PROK2: variants seen among roughly 807,000 people sequenced by gnomAD.
PROK2 encodes prokineticin-2.
PROK2 carries 8 observed loss-of-function variants against 14.2 expected under a neutral mutation model. That is an observed-to-expected ratio of 0.56 (90% confidence interval 0.33 to 1.02). The LOEUF is 1.02. PROK2 is among the 50% of genes least tolerant of loss of function. The probability of loss-of-function intolerance (pLI) is 0.03; values close to 1 mark genes in which losing one functional copy is unlikely to be tolerated. For synonymous variants in PROK2, 59 were observed against 60.7 expected (o/e 0.97, Z 0.13); for missense variants, 154 against 160.4 (o/e 0.96, Z 0.22).
intron 1 of PROK2, 142 bp downstream of exon 1, chr3:71,784,815 C>T: frequency 1.6e-6 from 1 of 640,608 alleles, no homozygotes; most frequent in Non-Finnish European, 2.2e-6. Context: ...CCAAGTGCAC[C>T]AAGGGGCGAC....
At chr3:71,780,462 G>C (rs925301869) in intron 2 of PROK2, among the ~76,000 whole-genome samples, 5 of 152,210 alleles carry the variant, frequency 3.3e-5, no homozygotes, top group African/African-American at 1.2e-4. Context: ...AATTTGGTTT[G>C]CTCTGATAAC....
chr3:71,772,547 A>C lies in PROK2; in HGVS notation c.*177T>G. 1 of 636,688 alleles carries C rather than the reference A, an allele frequency of 1.6e-6. No homozygotes were observed. The highest frequency in any genetic ancestry group is 2.7e-6 in the Non-Finnish European group (1 of 364,110). 39.4% of individuals were successfully genotyped at this position (636,688 alleles called of 1,614,324 possible). A position where few individuals can be genotyped will look rare whatever the true frequency, so the allele number is the denominator to read the frequency against. On this transcript the variant is annotated 3_prime_UTR_variant, in exon 4 of 4. Transcript: ENST00000295619. ...CTTCATATTTCTATCCAAAAGTAAA[A>C]TTCTCTTTCGATAAAAAAAAAAAAA...
Position 71,776,363 on chromosome 3 carries a change from CATTTT to C in PROK2, c.223-1861_223-1857del, listed in dbSNP as rs1559625178. ...CTTTTCTTTTTTTCTTTTCGCTTTT[CATTTT>C]TTTTTTTTTTTTTTTTTTTTTTGAG... On this transcript the variant is annotated intron_variant, in intron 2 of 3. Coordinates refer to ENST00000295619, the MANE Select transcript of PROK2 (RefSeq NM_001126128.2). Among the ~76,000 whole-genome samples the C allele has an allele frequency of 1.5e-4, 14 of 92,068 alleles. No individual in the cohort carries two copies. The East Asian group carries it at 2.1e-3, about 14-fold the overall frequency. The allele number at this position is 92,068 out of a possible 152,430, so 60.4% of individuals were successfully genotyped here.
At chr3:71,784,550 T>C (rs931608517) in intron 1 of PROK2, among the ~76,000 whole-genome samples, 16 of 152,304 alleles carry the variant, frequency 1.1e-4, no homozygotes, top group African/African-American at 3.4e-4. Flanking sequence ...TCTTGGTCCT[T>C]TGCATTTCAG....
At position 71,772,535 on chromosome 3, in the gene PROK2, T is replaced by A. The variant is rs1408801087; in HGVS notation, c.*189A>T. On this transcript the variant is annotated 3_prime_UTR_variant, in exon 4 of 4. Coordinates refer to ENST00000295619, the MANE Select transcript of PROK2 (RefSeq NM_001126128.2). ...TAATGCCTTACACTTCATATTTCTA[T>A]CCAAAAGTAAAATTCTCTTTCGATA... The A allele has an allele frequency of 1.6e-6, 1 of 617,820 alleles. No homozygotes were observed. Among genetic ancestry groups the A allele is most frequent in the Non-Finnish European group, 2.8e-6 (1 of 351,760 alleles). The allele number at this position is 617,820 out of a possible 1,614,324, so 38.3% of individuals were successfully genotyped here. A position where few individuals can be genotyped will look rare whatever the true frequency, so the allele number is the denominator to read the frequency against.
At chr3:71,784,915 A>C in intron 1 of PROK2, 42 bp downstream of exon 1, 1 of 1,217,102 alleles carries the variant, frequency 8.2e-7, no homozygotes, top group East Asian at 3.2e-5. Context: ...GGCACATCCC[A>C]GGCGCGCATC....
intron 1 of PROK2, 88 bp downstream of exon 1, chr3:71,784,869 A>C: frequency 1.8e-6 from 2 of 1,116,346 alleles, no homozygotes; most frequent in South Asian, 9.2e-5. Context: ...CTTTGCCTCT[A>C]GCCTGCCCTT....
rs567689819 is a variant in PROK2, at chr3:71,781,660, T to G, written c.97-68A>C. Reference sequence around the variant, plus strand: ...AGACTCAGGCTAAGGAAACCTAAAATTAGCAGTGAAATGCCCTTTAAATAT... The same window carrying G: ...AGACTCAGGCTAAGGAAACCTAAAAGTAGCAGTGAAATGCCCTTTAAATAT... On this transcript the variant is annotated intron_variant, in intron 1 of 3. Transcript: ENST00000295619. The G allele has an allele frequency of 4.0e-4, 602 of 1,520,632 alleles. 3 individuals carry two copies. In the African/African-American group the frequency reaches 7.4e-3, roughly 19 times the overall value. The allele number at this position is 1,520,632 out of a possible 1,614,324, so 94.2% of individuals were successfully genotyped here. A position where few individuals can be genotyped will look rare whatever the true frequency, so the allele number is the denominator to read the frequency against.
chr3:71,777,609 T>C (rs2050129560), intron 2 of PROK2, among the ~76,000 whole-genome samples: 1 of 151,990 alleles, frequency 6.6e-6, no homozygotes, highest in Non-Finnish European at 1.5e-5. Flanking sequence ...AATGTTCACA[T>C]AAAAAGCGCA....
chr3:71,775,163 C>A (rs2050108859), intron 2 of PROK2, among the ~76,000 whole-genome samples: 1 of 152,184 alleles, frequency 6.6e-6, no homozygotes, highest in Non-Finnish European at 1.5e-5. Flanking sequence ...AAAACAAACA[C>A]AGATAGCAAT....
Position 71,771,947 on chromosome 3 carries a change from T to C in PROK2, c.*777A>G, listed in dbSNP as rs1304049719. ...CTTTATAAAAAGTAAAAGAAGTAAA[T>C]GTAATCTTTTATTTTTAGAAAAACC... On this transcript the variant is annotated 3_prime_UTR_variant, in exon 4 of 4. Transcript: ENST00000295619. 5 of 152,174 alleles carry C rather than the reference T, an allele frequency of 3.3e-5. No individual in the cohort carries two copies. Among genetic ancestry groups the C allele is most frequent in the Admixed American group, 3.3e-4 (5 of 15,274 alleles). The allele number at this position is 152,174 out of a possible 1,614,324, so 9.4% of individuals were successfully genotyped here.
intron 2 of PROK2, among the ~76,000 whole-genome samples, chr3:71,778,263 A>C (rs1341216977): frequency 6.6e-6 from 1 of 152,104 alleles, no homozygotes; most frequent in Non-Finnish European, 1.5e-5. Flanking sequence ...ATACCTGTTA[A>C]AACTATTATT....
At chr3:71,779,257 C>T (rs1191011287) in intron 2 of PROK2, among the ~76,000 whole-genome samples, 3 of 152,184 alleles carry the variant, frequency 2.0e-5, no homozygotes, top group Non-Finnish European at 4.4e-5. Context: ...TTAAACCCAA[C>T]GACTGCTTTC....
At chr3:71,777,975 C>T (rs1033313930) in intron 2 of PROK2, among the ~76,000 whole-genome samples, 1 of 151,810 alleles carries the variant, frequency 6.6e-6, no homozygotes, top group East Asian at 1.9e-4. Flanking sequence ...GCAGGCAGAT[C>T]ACGAGGTCAG....
At chr3:71,779,919 T>C (rs2050148481) in intron 2 of PROK2, among the ~76,000 whole-genome samples, 1 of 152,190 alleles carries the variant, frequency 6.6e-6, no homozygotes, top group Admixed American at 6.5e-5. Context: ...AAAAACAACG[T>C]AATTCTTAAA....
In PROK2 at chr3:71,781,552, C is replaced by T. The variant is rs1427017264; in HGVS notation, c.137G>A (p.Cys46Tyr). ...GCTCTTGACCCAGATACTGACAGCA[C>T]AGCACATGCCTCCACCACATTGGGA... ...KDSQCGGGMC[C>Y]AVSIWVKSIR... The change falls in exon 2 of 4, where the codon TGT becomes TAT. Residue 46 changes from cysteine (C) to tyrosine (Y), a missense_variant. Cys to Tyr is a radical substitution (Grantham distance 194). Coordinates refer to ENST00000295619, the MANE Select transcript of PROK2 (RefSeq NM_001126128.2). 3 of 1,612,226 alleles carry T rather than the reference C, an allele frequency of 1.9e-6. No homozygotes were observed. The highest frequency in any genetic ancestry group is 3.3e-5 in the Admixed American group (2 of 60,008).
chr3:71,780,518 A>T (rs2050152837), intron 2 of PROK2, among the ~76,000 whole-genome samples: 1 of 152,238 alleles, frequency 6.6e-6, no homozygotes, highest in South Asian at 2.1e-4. Flanking sequence ...TAGAAAGAAC[A>T]TTCTAAAGAG....
intron 2 of PROK2, 144 bp downstream of exon 2, chr3:71,781,323 G>T: frequency 1.0e-6 from 1 of 960,006 alleles, no homozygotes; most frequent in Non-Finnish European, 1.6e-6. Flanking sequence ...GAGAGGAGAG[G>T]GGGTAGTTTT....
At chr3:71,784,823 G>GT (rs1393841777) in intron 1 of PROK2, 134 bp downstream of exon 1, 16 of 701,680 alleles carry the variant, frequency 2.3e-5, no homozygotes, top group Non-Finnish European at 3.0e-5. Flanking sequence ...ACCAAGGGGC[G>GT]ACAGGGGCAG....
Sources: allele counts gnomAD v4.1 joint callset (sites outside exome capture counted in the v4.1 genomes callset), GRCh38; gene constraint gnomAD v4.1.1; transcripts MANE v1.5; gene names NCBI Gene and HGNC (gene_info 2026-07-23, HGNC 2026-07-21).